The following KLK1 variants were observed in gnomAD, a reference collection of about 807,000 sequenced individuals.
KLK1 encodes kallikrein-1.
In KLK1, 22 loss-of-function variants were observed where a neutral mutation model predicts 23.3. The ratio of observed to expected loss-of-function variants is 0.95; its 90% CI spans 0.68 to 1.35. KLK1 has a LOEUF of 1.35. Among genes scored for constraint, KLK1 ranks in the 40% most tolerant of loss-of-function variants. KLK1 has a pLI of 0.00. For missense variants in KLK1, 301 were observed against 338.9 expected (o/e 0.89, Z 0.88); for synonymous variants, 140 against 135.8 (o/e 1.03, Z -0.21).
rs1054713 is a variant in KLK1 at position 50,820,245 on chromosome 19, A to G, written c.405T>C (p.Asp135=). 0.68 allele frequency: 1,097,846 copies of G among 1,613,394 alleles called. 375,506 individuals carry two copies. The highest frequency in any genetic ancestry group is 0.78 in the East Asian group (35,110 of 44,826). ...RLTEPADTIT[D]AVKVVELPTE... is the part of the protein sequence containing the mutation. ...TGGGCAACTCCACGACCTTCACAGC[A>G]TCTGTGATGGTATCAGCAGGCTCTG... Residue 135 remains aspartate, a synonymous_variant, in exon 3 of 5, where the codon GAT becomes GAC. Coordinates refer to ENST00000301420, the MANE Select transcript of KLK1 (RefSeq NM_002257.4).
Position 50,821,641 on chromosome 19 carries a change from G to A in KLK1, c.206+71C>T. The stretch of plus-strand genomic sequence containing the variant: ...CAGTCTTGCCTGAGGTTATCCAAGG[G>A]GAATGCCACTGGCCTGTCAATCCTG... On this transcript the variant is annotated intron_variant, in intron 2 of 4. Transcript: ENST00000301420. The surrounding 1 kb of genome is among the most constrained non-coding windows in gnomAD (Gnocchi z 5.6). The A allele has an allele frequency of 6.8e-7, 1 of 1,480,128 alleles. No homozygotes were observed. Among genetic ancestry groups the A allele is most frequent in the Non-Finnish European group, 9.0e-7 (1 of 1,112,062 alleles). The allele number at this position is 1,480,128 out of a possible 1,614,324, so 91.7% of individuals were successfully genotyped here. A position where few individuals can be genotyped will look rare whatever the true frequency, so the allele number is the denominator to read the frequency against.
rs1157113863 is a variant in KLK1, at chr19:50,821,177, G to GTC, written c.206+533_206+534dup. Among the ~76,000 whole-genome samples, 3 of 152,188 alleles carry GTC rather than the reference G, an allele frequency of 2.0e-5. No homozygotes were observed. In the East Asian group the frequency reaches 5.8e-4, roughly 29 times the overall value. ...CCCGCTGAAACCAGCCCTTCCCTGT[G>GTC]TCTCTCCAGAGTGGAGGGATATCCT... On this transcript the variant is annotated intron_variant, in intron 2 of 4. Transcript: ENST00000301420. The surrounding 1 kb of genome is among the most constrained non-coding windows in gnomAD (Gnocchi z 5.6).
At chr19:50,819,418 C>T (rs2089807946) in intron 4 of KLK1, 69 bp from the exon 5 acceptor site, 2 of 1,492,328 alleles carry the variant, frequency 1.3e-6, no homozygotes, top group Admixed American at 4.0e-5. Context: ...TGGGGAGCCC[C>T]AGCTCGCAGA....
intron 2 of KLK1, 63 bp from the exon 3 acceptor site, chr19:50,820,506 GA>G: frequency 1.6e-5 from 7 of 448,530 alleles, no homozygotes; most frequent in Non-Finnish European, 2.1e-5. Flanking sequence ...TGGGGCAGGG[GA>G]GCATGGGGGA....
chr19:50,821,404 G>A lies in KLK1; in HGVS notation c.206+308C>T, dbSNP rs909335723. Reference sequence around the variant, plus strand: ...GGTGAGACACAGTGACAGAGATGCCGCAGAGAGACTCAGAGACAGACAGAG... The same window carrying A: ...GGTGAGACACAGTGACAGAGATGCCACAGAGAGACTCAGAGACAGACAGAG... On this transcript the variant is annotated intron_variant, in intron 2 of 4. Coordinates refer to ENST00000301420, the MANE Select transcript of KLK1 (RefSeq NM_002257.4). This position sits in a 1 kb window ranked among gnomAD's most constrained non-coding sequence, Gnocchi z 5.6. Among the ~76,000 whole-genome samples, 3 of 152,106 alleles carry A rather than the reference G, an allele frequency of 2.0e-5. No homozygotes were observed. Among genetic ancestry groups the A allele is most frequent in the African/African-American group, 4.8e-5 (2 of 41,392 alleles).
intron 1 of KLK1, 181 bp from the exon 2 acceptor site, chr19:50,822,052 C>G (rs530065974): frequency 1.5e-6 from 2 of 1,369,592 alleles, no homozygotes; most frequent in African/African-American, 2.9e-5. Flanking sequence ...GTTCCCTGGG[C>G]TTTTGGAGTG....
In KLK1 at chr19:50,821,824, C is replaced by G; in HGVS notation, c.94G>C (p.Glu32Gln). ...QSRIVGGWEC[E>Q]QHSQPWQAAL... is the part of the protein sequence containing the mutation. ...GCCTGCCAGGGCTGGGAATGCTGCT[C>G]ACACTCCCAGCCTCCCACAATCCGG... is the stretch of plus-strand genomic sequence containing the variant. Residue 32 changes from glutamate to glutamine, a missense_variant, in exon 2 of 5, where the codon GAG (glutamate) becomes CAG (glutamine). Physicochemically the swap from Glu to Gln is conservative, Grantham distance 29 (BLOSUM62 2). Coordinates refer to ENST00000301420, the MANE Select transcript of KLK1 (RefSeq NM_002257.4). The surrounding 1 kb of genome is among the most constrained non-coding windows in gnomAD (Gnocchi z 5.6). 4 of 1,613,860 alleles carry G rather than the reference C, an allele frequency of 2.5e-6. No homozygotes were observed. The highest frequency in any genetic ancestry group is 3.4e-6 in the Non-Finnish European group (4 of 1,179,926).
chr19:50,819,498 T>C, intron 4 of KLK1, 149 bp from the exon 5 acceptor site: 1 of 782,592 alleles, frequency 1.3e-6, no homozygotes, highest in Non-Finnish European at 2.0e-6. Flanking sequence ...GGGTCTCCAG[T>C]CCTGGCCAAG....
intron 1 of KLK1, chr19:50,822,156 A>C: frequency 8.8e-7 from 1 of 1,133,142 alleles, no homozygotes; most frequent in Non-Finnish European, 1.1e-6. Flanking sequence ...TGGAGCAGAC[A>C]CTGCATCTGG....
Position 50,820,205 on chromosome 19 carries a change from C to T in KLK1, c.445G>A (p.Val149Met), listed in dbSNP as rs1326489828. 6.2e-7 allele frequency: 1 copy of T among 1,611,514 alleles called. No individual in the cohort carries two copies. The highest frequency in any genetic ancestry group is 8.5e-7 in the Non-Finnish European group (1 of 1,178,064). ...VVELPTEEPE[V>M]GSTCLASGWG... ...CCGGAAGCCAAACAGGTGCTCCCCA[C>T]TTCGGGTTCCTCGGTGGGCAACTCC... The change falls in exon 3 of 5, where the codon GTG (valine) becomes ATG (methionine). Residue 149 changes from valine to methionine, a missense_variant. Coordinates refer to ENST00000301420, the MANE Select transcript of KLK1 (RefSeq NM_002257.4).
chr19:50,822,167 G>C (rs1411686564), intron 1 of KLK1: 2 of 1,115,766 alleles, frequency 1.8e-6, no homozygotes, highest in Non-Finnish European at 2.2e-6. Flanking sequence ...CTGCATCTGG[G>C]CGTCAGGTCA....
In KLK1 at chr19:50,821,333, G is replaced by A. The variant is rs561523757; in HGVS notation, c.206+379C>T. 2.1e-4 allele frequency among the ~76,000 whole-genome samples: 32 copies of A among 152,138 alleles called. No homozygotes were observed. The highest frequency in any genetic ancestry group is 7.0e-4 in the African/African-American group (29 of 41,458). On this transcript the variant is annotated intron_variant, in intron 2 of 4. Coordinates refer to ENST00000301420, the MANE Select transcript of KLK1 (RefSeq NM_002257.4). The surrounding 1 kb of genome is among the most constrained non-coding windows in gnomAD (Gnocchi z 5.6). Reference sequence around the variant, plus strand: ...GTGTGTTTAGTAGGGATGAGGGAGCGGTGAGGTAGAGACCCAGAGAGAGAG... The same window carrying A: ...GTGTGTTTAGTAGGGATGAGGGAGCAGTGAGGTAGAGACCCAGAGAGAGAG...
At chr19:50,820,784 G>T in intron 2 of KLK1, 1 of 206,352 alleles carries the variant, frequency 4.8e-6, no homozygotes. Flanking sequence ...ACAGGCCCAG[G>T]GAAGAGGGAG....
Position 50,819,223 on chromosome 19 carries a change from T to C in KLK1, c.760A>G (p.Ile254Val). 6.2e-7 allele frequency: 1 copy of C among 1,613,958 alleles called. No homozygotes were observed. Among genetic ancestry groups the C allele is most frequent in the Non-Finnish European group, 8.5e-7 (1 of 1,179,920 alleles). The change falls in exon 5 of 5, where the codon ATC becomes GTC. Residue 254 changes from isoleucine to valine, a missense_variant. By Grantham distance (29) the Ile-to-Val change is conservative. Transcript: ENST00000301420. ...GAGTTCTCCGCTATGGTGTCCTCGA[T>C]CCACTTCACATAAGACAGCACTCTG... ...AVRVLSYVKW[I>V]EDTIAENS
In KLK1 at chr19:50,821,181, C is replaced by G. The variant is rs1014283424; in HGVS notation, c.206+531G>C. Among the ~76,000 whole-genome samples the G allele has an allele frequency of 6.6e-4, 100 of 152,338 alleles. No homozygotes were observed. Among genetic ancestry groups the G allele is most frequent in the African/African-American group, 2.4e-3 (98 of 41,588 alleles). On this transcript the variant is annotated intron_variant, in intron 2 of 4. Coordinates refer to ENST00000301420, the MANE Select transcript of KLK1 (RefSeq NM_002257.4). The surrounding 1 kb of genome is among the most constrained non-coding windows in gnomAD (Gnocchi z 5.6). ...CTGAAACCAGCCCTTCCCTGTGTCT[C>G]TCCAGAGTGGAGGGATATCCTGTGG...
rs770276666 is a variant in KLK1 at position 50,820,190 on chromosome 19, AACAGGTGCTCCCC to A, written c.447_459del (p.Gly150TrpfsTer40). 1 of 1,608,292 alleles carries A rather than the reference AACAGGTGCTCCCC, an allele frequency of 6.2e-7. No homozygotes were observed. The highest frequency in any genetic ancestry group is 8.5e-7 in the Non-Finnish European group (1 of 1,175,500). ...TCGATGCTGCCCCAGCCGGAAGCCAAACAGGTGCTCCCCACTTCGGGTTCCTCGGTGGGCAACT... is the reference window on the plus strand; with the variant it reads ...TCGATGCTGCCCCAGCCGGAAGCCAAACTTCGGGTTCCTCGGTGGGCAACT... On this transcript the variant is annotated frameshift_variant, in exon 3 of 5. Coordinates refer to ENST00000301420, the MANE Select transcript of KLK1 (RefSeq NM_002257.4). LOFTEE classifies it high-confidence loss of function.
intron 2 of KLK1, 56 bp from the exon 3 acceptor site, chr19:50,820,499 GGCA>G: frequency 9.2e-7 from 1 of 1,088,542 alleles, no homozygotes. Context: ...AAGGGGATGG[GGCA>G]GGGGAGCATG....
intron 4 of KLK1, 90 bp from the exon 5 acceptor site, chr19:50,819,439 A>C: frequency 7.7e-7 from 1 of 1,296,958 alleles, no homozygotes; most frequent in South Asian, 1.4e-5. Context: ...CAGGGCCTCC[A>C]GTGCCCACTC....
Position 50,821,694 on chromosome 19 carries a change from C to T in KLK1, c.206+18G>A. 6.3e-7 allele frequency: 1 copy of T among 1,579,958 alleles called. No homozygotes were observed. Among genetic ancestry groups the T allele is most frequent in the East Asian group, 2.3e-5 (1 of 44,302 alleles). Reference sequence around the variant, plus strand: ...GCAGCATAGATGCCCTCCTCCCAGACCCCAGGCCCCTACTCACTCGCTGAT... The same window carrying T: ...GCAGCATAGATGCCCTCCTCCCAGATCCCAGGCCCCTACTCACTCGCTGAT... On this transcript the variant is annotated intron_variant, in intron 2 of 4. Transcript: ENST00000301420. The surrounding 1 kb of genome is among the most constrained non-coding windows in gnomAD (Gnocchi z 5.6).
Sources: gnomAD v4.1 joint callset for allele counts (sites outside exome capture counted in the v4.1 genomes callset) on GRCh38, gnomAD v4.1.1 for gene constraint, Gnocchi (gnomAD v3.1) non-coding constraint, MANE v1.5 for transcripts, NCBI Gene and HGNC (gene_info 2026-07-23, HGNC 2026-07-21) for gene names.